SVIL: variants seen among roughly 807,000 people sequenced by gnomAD.
The protein encoded by SVIL is supervillin.
Under a neutral mutation model 240.4 loss-of-function variants are expected in SVIL, and 101 were observed. The observed-to-expected ratio is 0.42, with a 90% CI of 0.36 to 0.50. The LOEUF is 0.50. Ranked by LOEUF, SVIL falls within the 20% of genes least tolerant of loss-of-function variation. SVIL has a pLI of 0.01. For missense variants in SVIL, 2,512 were observed against 2,818.7 expected (o/e 0.89, Z 2.46); for synonymous variants, 999 against 1,100.0 (o/e 0.91, Z 1.82).
chr10:29,661,942 G>A (rs1300706700), intron 2 of SVIL, among the ~76,000 whole-genome samples: 2 of 152,086 alleles, frequency 1.3e-5, no homozygotes, highest in Non-Finnish European at 2.9e-5. Flanking sequence ...GAGGTTACAG[G>A]AGTGAGCCAC....
intron 1 of SVIL, among the ~76,000 whole-genome samples, chr10:29,611,325 G>C (rs943523301): frequency 2.6e-5 from 4 of 151,968 alleles, no homozygotes; most frequent in African/African-American, 9.7e-5. Flanking sequence ...TTAGAGGCTT[G>C]ATCTGTTTTA....
At chr10:29,620,016 T>A (rs555434106) in intron 1 of SVIL, among the ~76,000 whole-genome samples, 1 of 152,192 alleles carries the variant, frequency 6.6e-6, no homozygotes, top group Non-Finnish European at 1.5e-5. Context: ...CAAGGTATCA[T>A]GAAGCCTAGA....
intron 29 of SVIL, among the ~76,000 whole-genome samples, chr10:29,476,679 A>C (rs973153326): frequency 1.3e-5 from 2 of 152,242 alleles, no homozygotes; most frequent in Admixed American, 6.5e-5. Context: ...CTCTGGGGTT[A>C]CAAGTGTGAG....
intron 32 of SVIL, among the ~76,000 whole-genome samples, chr10:29,469,388 C>T (rs1945297160): frequency 6.6e-6 from 1 of 152,218 alleles, no homozygotes; most frequent in South Asian, 2.1e-4. Context: ...TGCTCTGTTC[C>T]AGAACCCAGA....
At chr10:29,730,400 T>A (rs1378473073) in intron 1 of SVIL, among the ~76,000 whole-genome samples, 2 of 152,114 alleles carry the variant, frequency 1.3e-5, no homozygotes, top group Non-Finnish European at 2.9e-5. Flanking sequence ...GTGTTGAATT[T>A]TCAATCAGGA....
At chr10:29,498,824 A>T (rs1948656399) in intron 18 of SVIL, among the ~76,000 whole-genome samples, 1 of 152,074 alleles carries the variant, frequency 6.6e-6, no homozygotes, top group Admixed American at 6.5e-5. Context: ...CTACATAAAA[A>T]TTTTTAAAAA....
In SVIL at chr10:29,484,720, A is replaced by C; in HGVS notation, c.4891T>G (p.Phe1631Val). 1 of 1,614,072 alleles carries C rather than the reference A, an allele frequency of 6.2e-7. No individual in the cohort carries two copies. The highest frequency in any genetic ancestry group is 8.5e-7 in the Non-Finnish European group (1 of 1,179,958). The change falls in exon 27 of 38, where the codon TTT becomes GTT. Residue 1631 changes from phenylalanine to valine, a missense_variant. Phe to Val is a conservative substitution (Grantham distance 50). Coordinates refer to ENST00000355867, the MANE Select transcript of SVIL (RefSeq NM_021738.3). This position sits in a 1 kb window ranked among gnomAD's most constrained non-coding sequence, Gnocchi z 4.7. Reference protein sequence around the residue: ...QLAKHLWNGTFDYENCDINPL... With the variant: ...QLAKHLWNGTVDYENCDINPL... ...TTGATGTCACAGTTCTCATAGTCAA[A>C]GGTTCCATTCCATAAGTGCTTTGCC...
At chr10:29,514,625 C>T (rs1396395907) in intron 16 of SVIL, among the ~76,000 whole-genome samples, 1 of 152,166 alleles carries the variant, frequency 6.6e-6, no homozygotes. Context: ...CAAGCGATCC[C>T]CTGCCTCAGC....
chr10:29,542,894 T>A lies in SVIL; in HGVS notation c.828-6825A>T, dbSNP rs528689149. The stretch of plus-strand genomic sequence containing the variant: ...CATGACCTGTTTCTCCTCTTTTCCC[T>A]TCCAGTACAATCATCAGCAACCCAG... On this transcript the variant is annotated intron_variant, in intron 6 of 37. Coordinates refer to ENST00000355867, the MANE Select transcript of SVIL (RefSeq NM_021738.3). 3.2e-3 allele frequency among the ~76,000 whole-genome samples: 492 copies of A among 152,312 alleles called. 1 individual carries two copies. The highest frequency in any genetic ancestry group is 0.011 in the African/African-American group (471 of 41,572).
chr10:29,660,893 G>A (rs140565018), intron 2 of SVIL, among the ~76,000 whole-genome samples: 17 of 151,250 alleles, frequency 1.1e-4, no homozygotes, highest in African/African-American at 4.1e-4. Context: ...CCTGGGCCGG[G>A]TGTGGTGCCT....
At chr10:29,621,783 A>G (rs1160826916) in intron 1 of SVIL, among the ~76,000 whole-genome samples, 1 of 152,160 alleles carries the variant, frequency 6.6e-6, no homozygotes, top group African/African-American at 2.4e-5. Flanking sequence ...TTCTGTTGTG[A>G]GCTCATTTTA....
intron 3 of SVIL, among the ~76,000 whole-genome samples, chr10:29,646,109 G>A (rs188941882): frequency 6.6e-6 from 1 of 152,134 alleles, no homozygotes; most frequent in South Asian, 2.1e-4. Flanking sequence ...TTAAGTGCTC[G>A]ATAAATATTT....
At chr10:29,518,984 G>A (rs1326391535) in intron 16 of SVIL, among the ~76,000 whole-genome samples, 11 of 152,208 alleles carry the variant, frequency 7.2e-5, no homozygotes, top group Non-Finnish European at 1.2e-4. Context: ...GGGAGAGACT[G>A]ACACAACAAG....
At chr10:29,598,619 C>A (rs1007494475) in intron 1 of SVIL, among the ~76,000 whole-genome samples, 6 of 152,194 alleles carry the variant, frequency 3.9e-5, no homozygotes, top group African/African-American at 1.4e-4. Flanking sequence ...CCCAGTTTTC[C>A]CTCTGCCATC....
At chr10:29,506,216 G>A (rs1949262956) in intron 17 of SVIL, among the ~76,000 whole-genome samples, 1 of 152,014 alleles carries the variant, frequency 6.6e-6, no homozygotes, top group Non-Finnish European at 1.5e-5. Flanking sequence ...TTCCTTTAAA[G>A]TTTAATATTG....
At chr10:29,571,203 C>G (rs1423913343) in intron 1 of SVIL, among the ~76,000 whole-genome samples, 2 of 152,228 alleles carry the variant, frequency 1.3e-5, no homozygotes. Flanking sequence ...AGGCCACTGG[C>G]TGGAATAGCT....
At chr10:29,582,731 C>CTAATAATAATAATAATAATAA (rs61441935) in intron 1 of SVIL, among the ~76,000 whole-genome samples, 4 of 142,808 alleles carry the variant, frequency 2.8e-5, no homozygotes, top group African/African-American at 1.1e-4. Context: ...GACCCTGTCT[C>CTAATAATAATAATAATAATAA]TAATAATAAT....
intron 1 of SVIL, among the ~76,000 whole-genome samples, chr10:29,612,232 C>T (rs1361568713): frequency 2.0e-5 from 3 of 152,182 alleles, no homozygotes; most frequent in African/African-American, 7.2e-5. Flanking sequence ...CATGGACAGT[C>T]GGTTGACTAT....
chr10:29,579,451 A>T (rs1955843785), intron 1 of SVIL, among the ~76,000 whole-genome samples: 1 of 152,008 alleles, frequency 6.6e-6, no homozygotes, highest in South Asian at 2.1e-4. Context: ...AAAACAAAAC[A>T]AACAAACAAA....
Sources: gnomAD v4.1 joint callset for allele counts (sites outside exome capture counted in the v4.1 genomes callset) on GRCh38, gnomAD v4.1.1 for gene constraint, Gnocchi (gnomAD v3.1) non-coding constraint, MANE v1.5 for transcripts, NCBI Gene and HGNC (gene_info 2026-07-23, HGNC 2026-07-21) for gene names.